MALRD1: variants seen among roughly 807,000 people sequenced by gnomAD.
MALRD1 encodes the protein MAM and LDL receptor class A domain containing 1, also known as MAM and LDL-receptor class A domain-containing protein 1.
Under a neutral mutation model 242.1 loss-of-function variants are expected in MALRD1, and 247 were observed. That is an observed-to-expected ratio of 1.02 (90% CI 0.92 to 1.13). The LOEUF (loss-of-function observed/expected upper bound fraction) is 1.13. MALRD1 is among the 50% of genes most tolerant of loss of function. The probability of loss-of-function intolerance (pLI) is 0.00; values close to 1 mark genes in which losing one functional copy is unlikely to be tolerated. For missense variants in MALRD1, 2,989 were observed against 2,533.1 expected (o/e 1.18, Z -3.86); for synonymous variants, 995 against 866.6 (o/e 1.15, Z -2.60).
chr10:19,204,933 A>T lies in MALRD1; in HGVS notation c.2246A>T (p.Glu749Val). ...TATGGCCTGTCAGTGGGAGCAGCTG[A>T]GCTGCAGCTACATATGGAAAATTCT... is the stretch of plus-strand genomic sequence containing the variant. Reference protein sequence around the residue: ...YNYGLSVGAAELQLHMENSHD... With the variant: ...YNYGLSVGAAVLQLHMENSHD... Residue 749 changes from glutamate (E) to valine (V), a missense_variant, in exon 17 of 40, where the codon GAG becomes GTG. Glu to Val is a moderately radical substitution (Grantham distance 121). Transcript: ENST00000454679. 6.5e-7 allele frequency: 1 copy of T among 1,550,020 alleles called. No individual in the cohort carries two copies. Among genetic ancestry groups the T allele is most frequent in the South Asian group, 1.2e-5 (1 of 84,048 alleles).
chr10:19,418,267 C>G (rs1169668318), intron 28 of MALRD1, among the ~76,000 whole-genome samples: 2 of 144,190 alleles, frequency 1.4e-5, no homozygotes, highest in African/African-American at 2.9e-5. Flanking sequence ...TGCACCATTC[C>G]CCCCCACGCC....
At chr10:19,600,167 C>CAT (rs1838285447) in intron 34 of MALRD1, among the ~76,000 whole-genome samples, 1 of 152,106 alleles carries the variant, frequency 6.6e-6, no homozygotes, top group South Asian at 2.1e-4. Flanking sequence ...CCAACCTTAT[C>CAT]ATCAATATTT....
intron 38 of MALRD1, among the ~76,000 whole-genome samples, chr10:19,693,440 CAGAG>C (rs1833205167): frequency 1.3e-5 from 2 of 152,198 alleles, no homozygotes; most frequent in African/African-American, 2.4e-5. Flanking sequence ...AACAGAAAAA[CAGAG>C]AGCCAAATCA....
At chr10:19,627,466 G>T (rs566056658) in intron 36 of MALRD1, among the ~76,000 whole-genome samples, 5 of 151,920 alleles carry the variant, frequency 3.3e-5, no homozygotes, top group Non-Finnish European at 7.4e-5. Flanking sequence ...GGCCACGTGC[G>T]GTGGCTCACA....
chr10:19,595,474 A>T lies in MALRD1; in HGVS notation c.5944+17A>T. ...TCATCTGCTGTGAGTTATTTTCACT[A>T]ACTCAATGTGTAAGGGAAGGCATGC... On this transcript the variant is annotated intron_variant, in intron 34 of 39. Transcript: ENST00000454679. 1 of 1,543,378 alleles carries T rather than the reference A, an allele frequency of 6.5e-7. No individual in the cohort carries two copies. The highest frequency in any genetic ancestry group is 8.8e-7 in the Non-Finnish European group (1 of 1,141,606).
At chr10:19,376,542 CTTTTTTTTTTTTTTT>C (rs57836152) in intron 26 of MALRD1, among the ~76,000 whole-genome samples, 2 of 94,992 alleles carry the variant, frequency 2.1e-5, no homozygotes, top group Non-Finnish European at 2.1e-5. Context: ...TTGATACATT[CTTTTTTTTTTTTTTT>C]TTTTTTTTTT....
chr10:19,201,012 C>A (rs1201180191), intron 14 of MALRD1, among the ~76,000 whole-genome samples: 1 of 152,026 alleles, frequency 6.6e-6, no homozygotes, highest in Admixed American at 6.6e-5. Flanking sequence ...ATGCTAATTG[C>A]AATTATTATT....
In MALRD1 at chr10:19,325,296, A is replaced by T. The variant is rs181157607; in HGVS notation, c.3576+1191A>T. Among the ~76,000 whole-genome samples, 16 of 152,114 alleles carry T rather than the reference A, an allele frequency of 1.1e-4. 1 individual carries two copies. The East Asian group carries it at 3.1e-3, about 29-fold the overall frequency. ...TCTTAACGAACCTCCATGTCTCTCT[A>T]AAAAGGCCCATTATTCTTTGAGCAT... On this transcript the variant is annotated intron_variant, in intron 22 of 39. Transcript: ENST00000454679.
At position 19,595,176 on chromosome 10, in the gene MALRD1, A is replaced by T; in HGVS notation, c.5681-18A>T. The T allele has an allele frequency of 6.5e-7, 1 of 1,540,244 alleles. No homozygotes were observed. The highest frequency in any genetic ancestry group is 8.8e-7 in the Non-Finnish European group (1 of 1,140,054). ...AACTCCCTAATGCCAAAATAACTTG[A>T]CTTGCTCTCTTTTTTAGGTCCTGTC... On this transcript the variant is annotated intron_variant, in intron 33 of 39. Transcript: ENST00000454679.
intron 31 of MALRD1, among the ~76,000 whole-genome samples, chr10:19,530,353 TA>T (rs1445833130): frequency 1.2e-4 from 13 of 106,332 alleles, no homozygotes; most frequent in East Asian, 2.5e-4. Flanking sequence ...TATAAATATA[TA>T]ATATTTATAT....
intron 28 of MALRD1, among the ~76,000 whole-genome samples, chr10:19,391,939 C>T (rs959781607): frequency 6.6e-6 from 1 of 152,196 alleles, no homozygotes. Flanking sequence ...TTATTTAGGA[C>T]AACCCTTGCG....
intron 1 of MALRD1, among the ~76,000 whole-genome samples, chr10:19,050,365 GCGTGAGCCA>G (rs1834455536): frequency 6.6e-6 from 1 of 151,326 alleles, no homozygotes; most frequent in Non-Finnish European, 1.5e-5. Flanking sequence ...GGGATTACAG[GCGTGAGCCA>G]CCGCGCCCGG....
At chr10:19,156,640 T>C (rs570627185) in intron 12 of MALRD1, among the ~76,000 whole-genome samples, 5 of 152,232 alleles carry the variant, frequency 3.3e-5, no homozygotes, top group South Asian at 4.1e-4. Context: ...TTACAGAAAT[T>C]TGAAGATATT....
chr10:19,443,607 C>A (rs1000836138), intron 28 of MALRD1, among the ~76,000 whole-genome samples: 1 of 152,156 alleles, frequency 6.6e-6, no homozygotes, highest in African/African-American at 2.4e-5. Context: ...GCAGGTTGTT[C>A]AGTTTCCATG....
chr10:19,467,598 C>T (rs910556105), intron 29 of MALRD1, among the ~76,000 whole-genome samples: 14 of 151,404 alleles, frequency 9.2e-5, no homozygotes, highest in Non-Finnish European at 2.1e-4. Context: ...TGTAATTCAC[C>T]CCACAATAAT....
intron 19 of MALRD1, among the ~76,000 whole-genome samples, chr10:19,266,909 A>C (rs994925792): frequency 1.3e-5 from 2 of 152,022 alleles, no homozygotes; most frequent in African/African-American, 4.8e-5. Flanking sequence ...CTTGAATCAG[A>C]TCTTCAGATT....
intron 36 of MALRD1, among the ~76,000 whole-genome samples, chr10:19,672,633 G>A (rs904835968): frequency 6.6e-6 from 1 of 151,752 alleles, no homozygotes; most frequent in African/African-American, 2.4e-5. Context: ...CATGTTGGCC[G>A]GGCTGAAGTC....
At chr10:19,453,372 G>A (rs12357066) in intron 29 of MALRD1, among the ~76,000 whole-genome samples, 32,902 of 152,076 alleles carry the variant, frequency 0.22, 3,776 homozygotes, top group Middle Eastern at 0.32. Context: ...AATGGGGAGA[G>A]GGGAATGGCT....
At position 19,240,212 on chromosome 10, in the gene MALRD1, G is replaced by C. The variant is rs199749396; in HGVS notation, c.2992-17472G>C. On this transcript the variant is annotated intron_variant, in intron 18 of 39. Coordinates refer to ENST00000454679, the MANE Select transcript of MALRD1 (RefSeq NM_001142308.3). ...CATTGTAGAGATCTTTCACGGCCTT[G>C]ATTAAATTTATCTGCAGATTTCTTG... Among the ~76,000 whole-genome samples the C allele has an allele frequency of 3.3e-5, 5 of 152,016 alleles. No individual in the cohort carries two copies. The East Asian group carries it at 7.7e-4, about 24-fold the overall frequency.
Sources: gnomAD v4.1 joint callset for allele counts (sites outside exome capture counted in the v4.1 genomes callset) on GRCh38, gnomAD v4.1.1 for gene constraint, MANE v1.5 for transcripts, NCBI Gene and HGNC (gene_info 2026-07-23, HGNC 2026-07-21) for gene names.